Variants in ZNF540 observed in about 807,000 individuals in gnomAD.
ZNF540 encodes the protein zinc finger protein 540.
ZNF540 carries 3 observed loss-of-function variants against 11.8 expected under a neutral mutation model. The observed-to-expected ratio is 0.25, with a 90% CI of 0.12 to 0.65. The LOEUF is 0.65. Among genes scored for constraint, ZNF540 ranks in the 30% least tolerant of loss-of-function variants. ZNF540 has a pLI of 0.83. For missense variants in ZNF540, 709 were observed against 793.1 expected (o/e 0.89, Z 1.27); for synonymous variants, 247 against 259.0 (o/e 0.95, Z 0.45).
At chr19:37,560,721 T>TG (rs577629374) in intron 1 of ZNF540, 5 of 152,126 alleles carry the variant, frequency 3.3e-5, no homozygotes, top group Non-Finnish European at 5.9e-5. Context: ...ACAGTTATGA[T>TG]GGTAACAAAA....
chr19:37,562,977 A>G (rs1308772667), intron 1 of ZNF540: 3 of 152,162 alleles, frequency 2.0e-5, no homozygotes, highest in Non-Finnish European at 4.4e-5. Context: ...TGGACTGAAA[A>G]CATACTGTTT....
intron 1 of ZNF540, chr19:37,555,221 G>T (rs1214455126): frequency 1.3e-5 from 2 of 152,310 alleles, no homozygotes; most frequent in African/African-American, 4.8e-5. Context: ...GTCAATTCAG[G>T]TGGAAACAAG....
intron 1 of ZNF540, among the ~76,000 whole-genome samples, chr19:37,560,074 T>A (rs532978779): frequency 2.0e-5 from 3 of 152,136 alleles, no homozygotes; most frequent in African/African-American, 4.8e-5. Flanking sequence ...GCCAGGAGTT[T>A]GAGACCAGCC....
chr19:37,600,961 G>A, intron 3 of ZNF540, 49 bp from the exon 4 acceptor site: 1 of 1,446,418 alleles, frequency 6.9e-7, no homozygotes, highest in Non-Finnish European at 9.4e-7. Context: ...GTTTCTGAAT[G>A]TGCAATGTTT....
At chr19:37,593,872 T>TC (rs1457752785), upstream of ZNF540, among the ~76,000 whole-genome samples, 1 of 152,084 alleles carries the variant, frequency 6.6e-6, no homozygotes, top group Non-Finnish European at 1.5e-5. Context: ...GGCTGGTTCT[T>TC]CCTTAGGAAG....
chr19:37,583,657 G>A (rs10425671), intron 1 of ZNF540: 154,852 of 183,450 alleles, frequency 0.84, 65,857 homozygotes, highest in African/African-American at 0.94. Context: ...CCTTGCTCCA[G>A]TAAGGAAAGT....
intron 1 of ZNF540, chr19:37,562,845 T>C (rs2042733385): frequency 6.6e-6 from 1 of 152,208 alleles, no homozygotes; most frequent in Non-Finnish European, 1.5e-5. Flanking sequence ...CACAAACATA[T>C]CTGGTAATTA....
chr19:37,603,317 G>A (rs1246796546), intron 4 of ZNF540, among the ~76,000 whole-genome samples: 1 of 152,100 alleles, frequency 6.6e-6, no homozygotes, highest in Non-Finnish European at 1.5e-5. Flanking sequence ...ATTTCAAGAT[G>A]TGAGATTTTA....
At chr19:37,587,724 G>C (rs942084534) in intron 1 of ZNF540, among the ~76,000 whole-genome samples, 4 of 152,046 alleles carry the variant, frequency 2.6e-5, no homozygotes, top group Admixed American at 1.3e-4. Context: ...ATTTTGTTGG[G>C]TATAGTTGAG....
intron 1 of ZNF540, among the ~76,000 whole-genome samples, chr19:37,568,390 CAAG>C (rs1411768667): frequency 1.3e-5 from 2 of 150,072 alleles, no homozygotes; most frequent in Non-Finnish European, 3.0e-5. Flanking sequence ...CATCCTAGAA[CAAG>C]ATAGACCCTG....
intron 1 of ZNF540, among the ~76,000 whole-genome samples, chr19:37,571,028 A>T (rs1046050624): frequency 1.6e-4 from 25 of 152,248 alleles, no homozygotes; most frequent in African/African-American, 4.3e-4. Context: ...AGGAATAATT[A>T]TAACAAATTC....
intron 1 of ZNF540, among the ~76,000 whole-genome samples, chr19:37,568,385 T>C (rs2042939295): frequency 2.0e-5 from 3 of 148,254 alleles, no homozygotes; most frequent in African/African-American, 7.5e-5. Context: ...CAACACATCC[T>C]AGAACAAGAT....
chr19:37,598,539 T>G (rs2044013736), intron 2 of ZNF540, 83 bp downstream of exon 2: 1 of 1,512,828 alleles, frequency 6.6e-7, no homozygotes, highest in South Asian at 1.1e-5. Flanking sequence ...TGCTGACACT[T>G]CCTAAGAATT....
chr19:37,611,267 T>C, intron 4 of ZNF540: 1 of 251,452 alleles, frequency 4.0e-6, no homozygotes, highest in Non-Finnish European at 7.6e-6. Context: ...CCTCAGATGA[T>C]CCACCTGCCT....
intron 1 of ZNF540, chr19:37,567,479 G>GTTCT (rs1429600075): frequency 3.3e-5 from 5 of 152,144 alleles, no homozygotes; most frequent in African/African-American, 9.7e-5. Context: ...TTACGATCCA[G>GTTCT]TTCTTTCTTA....
upstream of ZNF540, chr19:37,594,412 C>T (rs879584455): frequency 1.3e-4 from 20 of 152,310 alleles, no homozygotes; most frequent in Non-Finnish European, 2.6e-4. Flanking sequence ...ACTAGTAACA[C>T]CCGCCTCCTT....
intron 1 of ZNF540, chr19:37,560,303 T>C (rs1194035179): frequency 6.6e-6 from 1 of 151,570 alleles, no homozygotes; most frequent in African/African-American, 2.4e-5. Context: ...AAAATATAAA[T>C]AAAAATAAAT....
chr19:37,605,209 C>T (rs1600561203), intron 4 of ZNF540, among the ~76,000 whole-genome samples: 1 of 152,256 alleles, frequency 6.6e-6, no homozygotes, highest in East Asian at 1.9e-4. Context: ...GCCTGTAATC[C>T]CGGCACTTTG....
chr19:37,593,065 T>C (rs183615574), upstream of ZNF540, among the ~76,000 whole-genome samples: 34 of 152,170 alleles, frequency 2.2e-4, no homozygotes, highest in Non-Finnish European at 3.7e-4. Flanking sequence ...GATTATGAAA[T>C]AACCACCACG....
Sources: gnomAD v4.1 joint callset for allele counts (sites outside exome capture counted in the v4.1 genomes callset) on GRCh38, gnomAD v4.1.1 for gene constraint, MANE v1.5 for transcripts, NCBI Gene and HGNC (gene_info 2026-07-23, HGNC 2026-07-21) for gene names.